Variants in FAM76A observed in about 807,000 individuals in gnomAD.
FAM76A encodes protein FAM76A.
A neutral mutation model predicts 46.2 loss-of-function variants in FAM76A; 32 were observed. The observed-to-expected ratio is 0.69, with a 90% CI of 0.52 to 0.93. The LOEUF (loss-of-function observed/expected upper bound fraction) is 0.93, where lower values mean the gene tolerates loss of function less well. FAM76A is among the 40% of genes least tolerant of loss of function. The pLI, the probability that FAM76A is intolerant of heterozygous loss-of-function variation, is 0.00. For synonymous variants in FAM76A, 137 were observed against 127.0 expected (o/e 1.08, Z -0.53); for missense variants, 274 against 361.5 (o/e 0.76, Z 1.96).
chr1:27,748,993 T>A, intron 5 of FAM76A, 75 bp from the exon 6 acceptor site: 2 of 961,170 alleles, frequency 2.1e-6, no homozygotes, highest in Non-Finnish European at 3.1e-6. Flanking sequence ...ATTGGTCTAT[T>A]TGACAGACTT....
At chr1:27,749,871 G>A (rs531816890) in intron 6 of FAM76A, among the ~76,000 whole-genome samples, 8 of 152,278 alleles carry the variant, frequency 5.3e-5, no homozygotes, top group African/African-American at 1.9e-4. Flanking sequence ...AGATGCATTT[G>A]CATGTTTTTG....
intron 4 of FAM76A, among the ~76,000 whole-genome samples, chr1:27,737,200 C>G (rs2088063445): frequency 6.6e-6 from 1 of 152,152 alleles, no homozygotes; most frequent in Non-Finnish European, 1.5e-5. Context: ...CTACCCGCCT[C>G]AGCCTCCCAA....
At position 27,732,922 on chromosome 1, in the gene FAM76A, TTTTTTG is replaced by T. The variant is rs1234248824; in HGVS notation, c.201+283_201+288del. Among the ~76,000 whole-genome samples the T allele has an allele frequency of 8.6e-5, 13 of 151,988 alleles. No individual in the cohort carries two copies. In the East Asian group the frequency reaches 2.3e-3, roughly 27 times the overall value. On this transcript the variant is annotated intron_variant, in intron 3 of 8. Transcript: ENST00000373954. ...TGGAAAGAGAAAGGGAAAGATGAAA[TTTTTTG>T]TTTTTGTTTTTGTTTTTTTTTTTTT...
intron 4 of FAM76A, chr1:27,740,666 T>G (rs1260617149): frequency 1.9e-6 from 1 of 527,304 alleles, no homozygotes; most frequent in Non-Finnish European, 3.4e-6. Flanking sequence ...TCGTGAGATC[T>G]CCTTTTTACC....
intron 2 of FAM76A, among the ~76,000 whole-genome samples, chr1:27,728,176 G>C (rs932344466): frequency 1.3e-5 from 2 of 151,820 alleles, no homozygotes; most frequent in Admixed American, 1.3e-4. Flanking sequence ...TTTTTGTCAA[G>C]AAGAAACCAA....
rs1428887624 is a variant in FAM76A at position 27,762,563 on chromosome 1, A to G, written c.*1982A>G. On this transcript the variant is annotated 3_prime_UTR_variant, in exon 9 of 9. Transcript: ENST00000373954. ...AATGGTGGTTTCCTTCTGATAAGGG[A>G]TACAGTGGACCATGTCGCTTATATA... 6.6e-6 allele frequency: 1 copy of G among 152,156 alleles called. No individual in the cohort carries two copies. Among genetic ancestry groups the G allele is most frequent in the Non-Finnish European group, 1.5e-5 (1 of 68,042 alleles). The allele number at this position is 152,156 out of a possible 1,614,324, so 9.4% of individuals were successfully genotyped here.
At chr1:27,747,885 A>G (rs1287146635) in intron 5 of FAM76A, among the ~76,000 whole-genome samples, 2 of 152,158 alleles carry the variant, frequency 1.3e-5, no homozygotes, top group East Asian at 3.9e-4. Flanking sequence ...GTGCCACTGC[A>G]CTCCAGCTTG....
At chr1:27,755,019 C>T (rs2088386658) in intron 6 of FAM76A, among the ~76,000 whole-genome samples, 176 bp from the exon 7 acceptor site, 1 of 152,152 alleles carries the variant, frequency 6.6e-6, no homozygotes, top group Non-Finnish European at 1.5e-5. Context: ...GGCCACCTTA[C>T]CTCTGCAGTT....
intron 4 of FAM76A, among the ~76,000 whole-genome samples, chr1:27,737,316 G>A (rs934559490): frequency 6.6e-6 from 1 of 152,118 alleles, no homozygotes; most frequent in Admixed American, 6.6e-5. Flanking sequence ...GGATCTATGT[G>A]CAATTTTTAT....
Position 27,726,010 on chromosome 1 carries a change from G to T in FAM76A, c.-71G>T. 1 of 1,183,752 alleles carries T rather than the reference G, an allele frequency of 8.4e-7. No individual in the cohort carries two copies. The allele number at this position is 1,183,752 out of a possible 1,614,324, so 73.3% of individuals were successfully genotyped here. On this transcript the variant is annotated 5_prime_UTR_variant, in exon 1 of 9. Coordinates refer to ENST00000373954, the MANE Select transcript of FAM76A (RefSeq NM_152660.3). ...GCCAGCAGCCTGCAGCCGCCGCCGGGTTGTGCCTCAGACTGTCAGATAAAT... is the reference window on the plus strand; with the variant it reads ...GCCAGCAGCCTGCAGCCGCCGCCGGTTTGTGCCTCAGACTGTCAGATAAAT...
chr1:27,750,038 A>G (rs1251757173), intron 6 of FAM76A, among the ~76,000 whole-genome samples: 1 of 152,178 alleles, frequency 6.6e-6, no homozygotes. Flanking sequence ...TGTTGGGACC[A>G]ACCATTTTTC....
At chr1:27,760,466 C>G in intron 8 of FAM76A, 29 bp from the exon 9 acceptor site, 1 of 1,580,262 alleles carries the variant, frequency 6.3e-7, no homozygotes, top group Non-Finnish European at 8.6e-7. Flanking sequence ...TTGAAACATC[C>G]TTCTTGCACT....
At chr1:27,759,856 C>A in intron 8 of FAM76A, 1 of 569,448 alleles carries the variant, frequency 1.8e-6, no homozygotes, top group South Asian at 1.6e-5. Context: ...CAGCCTCAAC[C>A]TCCCAGGCTC....
At chr1:27,744,231 C>T (rs1419772503) in intron 4 of FAM76A, among the ~76,000 whole-genome samples, 1 of 152,062 alleles carries the variant, frequency 6.6e-6, no homozygotes, top group Middle Eastern at 3.2e-3. Flanking sequence ...TGGGTTCAAG[C>T]GATTCTTCTG....
At chr1:27,730,878 C>T (rs1327547944) in intron 2 of FAM76A, among the ~76,000 whole-genome samples, 1 of 151,764 alleles carries the variant, frequency 6.6e-6, no homozygotes, top group Non-Finnish European at 1.5e-5. Flanking sequence ...TGCGGTGGCA[C>T]AATTGTAGCC....
At chr1:27,754,613 A>G (rs1318475721) in intron 6 of FAM76A, among the ~76,000 whole-genome samples, 2 of 152,172 alleles carry the variant, frequency 1.3e-5, no homozygotes, top group Non-Finnish European at 2.9e-5. Flanking sequence ...TCTGCAGGCC[A>G]TTTGTAGTGT....
chr1:27,752,434 A>G (rs1350652236), intron 6 of FAM76A, among the ~76,000 whole-genome samples: 1 of 152,156 alleles, frequency 6.6e-6, no homozygotes, highest in Non-Finnish European at 1.5e-5. Context: ...GTTAATTTCT[A>G]GTTTTCCTTC....
At chr1:27,733,666 G>A (rs773519188) in intron 3 of FAM76A, among the ~76,000 whole-genome samples, 8 of 151,934 alleles carry the variant, frequency 5.3e-5, no homozygotes, top group African/African-American at 9.7e-5. Flanking sequence ...TGGCCAACAT[G>A]GTGAAACCCC....
intron 7 of FAM76A, among the ~76,000 whole-genome samples, chr1:27,756,103 CTT>C (rs1422397711): frequency 6.6e-6 from 1 of 152,066 alleles, no homozygotes; most frequent in Non-Finnish European, 1.5e-5. Context: ...CCTAATGTCT[CTT>C]TCTCTTCTCA....
Sources: gnomAD v4.1 joint callset for allele counts (sites outside exome capture counted in the v4.1 genomes callset) on GRCh38, gnomAD v4.1.1 for gene constraint, MANE v1.5 for transcripts, NCBI Gene and HGNC (gene_info 2026-07-23, HGNC 2026-07-21) for gene names.